SLC25A40: variants seen among roughly 807,000 people sequenced by gnomAD.
SLC25A40 encodes the protein solute carrier family 25 member 40, also known as mitochondrial glutathione transporter SLC25A40.
Under a neutral mutation model 46.5 loss-of-function variants are expected in SLC25A40, and 41 were observed. The ratio of observed to expected loss-of-function variants is 0.88; its 90% CI spans 0.69 to 1.14. The LOEUF is 1.14. SLC25A40 is among the 50% of genes most tolerant of loss of function. The pLI is 0.00. For missense variants in SLC25A40, 386 were observed against 393.6 expected (o/e 0.98, Z 0.16); for synonymous variants, 126 against 127.5 (o/e 0.99, Z 0.08).
chr7:87,841,240 AT>A (rs1838330908), intron 10 of SLC25A40, among the ~76,000 whole-genome samples: 1 of 150,574 alleles, frequency 6.6e-6, no homozygotes, highest in Non-Finnish European at 1.5e-5. Flanking sequence ...CTTTATCCTG[AT>A]TTGTCTAAAT....
At chr7:87,865,937 G>A (rs1173204242) in intron 1 of SLC25A40, among the ~76,000 whole-genome samples, 1 of 151,946 alleles carries the variant, frequency 6.6e-6, no homozygotes, top group Non-Finnish European at 1.5e-5. Flanking sequence ...ACAGAAATTA[G>A]CCAGGTGTGG....
chr7:87,860,384 G>A (rs1020683587), intron 2 of SLC25A40, among the ~76,000 whole-genome samples, 188 bp downstream of exon 2: 5 of 152,086 alleles, frequency 3.3e-5, no homozygotes, highest in African/African-American at 1.2e-4. Context: ...CATACATCAT[G>A]TCCCTTCACC....
chr7:87,850,014 CT>C, intron 5 of SLC25A40, 66 bp from the exon 6 acceptor site: 1 of 982,992 alleles, frequency 1.0e-6, no homozygotes, highest in South Asian at 1.8e-5. Flanking sequence ...AAAATTTATA[CT>C]GATGATTGGT....
chr7:87,847,235 T>A, intron 7 of SLC25A40, 113 bp from the exon 8 acceptor site: 1 of 828,714 alleles, frequency 1.2e-6, no homozygotes, highest in Non-Finnish European at 1.7e-6. Flanking sequence ...TTTTAGTCTA[T>A]AATGTCTGAA....
At chr7:87,857,804 G>A (rs776369670) in intron 3 of SLC25A40, among the ~76,000 whole-genome samples, 6 of 152,166 alleles carry the variant, frequency 3.9e-5, no homozygotes, top group Non-Finnish European at 8.8e-5. Flanking sequence ...GAATAACAGC[G>A]ATTTTAGGGA....
chr7:87,842,709 C>T (rs1838354103), intron 9 of SLC25A40, among the ~76,000 whole-genome samples: 1 of 151,956 alleles, frequency 6.6e-6, no homozygotes, highest in Admixed American at 6.6e-5. Flanking sequence ...TGGACACTTA[C>T]ATTCAGGTGT....
intron 10 of SLC25A40, 68 bp from the exon 11 acceptor site, chr7:87,836,878 A>G (rs1838264531): frequency 9.6e-6 from 9 of 939,176 alleles, no homozygotes; most frequent in Non-Finnish European, 1.4e-5. Context: ...TACAGATAAC[A>G]TAGTGTCCAT....
Position 87,847,858 on chromosome 7 carries a change from G to T in SLC25A40, c.452C>A (p.Ala151Asp). 6.2e-7 allele frequency: 1 copy of T among 1,605,902 alleles called. No homozygotes were observed. Among genetic ancestry groups the T allele is most frequent in the East Asian group, 2.2e-5 (1 of 44,616 alleles). ...TCIPIVAGIVARFGAVTVISP... is the reference protein window; with the variant it reads ...TCIPIVAGIVDRFGAVTVISP... ...AATAAAGATTTATTACTCACATCTG[G>T]CTACAATTCCAGCAACAATTGGTAT... Residue 151 changes from alanine to aspartate, a missense_variant, in exon 7 of 12, where the codon GCC becomes GAC. Transcript: ENST00000341119.
intron 4 of SLC25A40, among the ~76,000 whole-genome samples, chr7:87,855,927 C>G (rs530892660): frequency 6.6e-6 from 1 of 152,224 alleles, no homozygotes; most frequent in East Asian, 1.9e-4. Context: ...TTTCCAATCA[C>G]TATATTCAAG....
At chr7:87,875,358 C>A (rs1010017285) in intron 1 of SLC25A40, among the ~76,000 whole-genome samples, 5 of 152,158 alleles carry the variant, frequency 3.3e-5, no homozygotes, top group Non-Finnish European at 5.9e-5. Context: ...TCTGCGTTCT[C>A]CAGCTAATCT....
intron 8 of SLC25A40, among the ~76,000 whole-genome samples, chr7:87,845,920 GAA>G (rs201961432): frequency 0.024 from 3,681 of 152,174 alleles, 48 homozygotes; most frequent in Middle Eastern, 0.048. Context: ...AATCACTTTG[GAA>G]AAGAGTTCTA....
intron 8 of SLC25A40, among the ~76,000 whole-genome samples, chr7:87,845,061 T>A (rs1584324642): frequency 6.6e-6 from 1 of 152,040 alleles, no homozygotes; most frequent in East Asian, 1.9e-4. Flanking sequence ...AAGGCTACAG[T>A]AAGCCGTGAC....
chr7:87,866,832 C>T (rs117535462), intron 1 of SLC25A40, among the ~76,000 whole-genome samples: 11 of 152,216 alleles, frequency 7.2e-5, no homozygotes, highest in Admixed American at 5.2e-4. Flanking sequence ...CTGCTACTCA[C>T]GAGTTCCTTC....
chr7:87,872,033 A>C (rs1838903111), intron 1 of SLC25A40, among the ~76,000 whole-genome samples: 1 of 152,246 alleles, frequency 6.6e-6, no homozygotes, highest in Non-Finnish European at 1.5e-5. Flanking sequence ...CTAATTTATT[A>C]AAGATCTTAA....
intron 1 of SLC25A40, among the ~76,000 whole-genome samples, chr7:87,861,971 A>C (rs1372619137): frequency 6.6e-6 from 1 of 152,158 alleles, no homozygotes; most frequent in Non-Finnish European, 1.5e-5. Flanking sequence ...ATCTAATTAT[A>C]ATGAGAAATG....
chr7:87,875,096 C>G (rs73200354), intron 1 of SLC25A40, among the ~76,000 whole-genome samples: 7,780 of 152,288 alleles, frequency 0.051, 225 homozygotes, highest in Non-Finnish European at 0.059. Flanking sequence ...CCTTCCACCA[C>G]TCAAGATCTG....
chr7:87,858,830 G>A, intron 2 of SLC25A40, 79 bp from the exon 3 acceptor site: 1 of 757,142 alleles, frequency 1.3e-6, no homozygotes, highest in South Asian at 1.5e-5. Flanking sequence ...TAAGCTGGGT[G>A]AGCAGCATCA....
chr7:87,857,113 A>G (rs2131011445), intron 3 of SLC25A40, among the ~76,000 whole-genome samples: 1 of 152,234 alleles, frequency 6.6e-6, no homozygotes. Context: ...TCATTTGGCT[A>G]CATCTACAAG....
At chr7:87,841,061 T>G (rs1200248121) in intron 10 of SLC25A40, among the ~76,000 whole-genome samples, 1 of 149,792 alleles carries the variant, frequency 6.7e-6, no homozygotes, top group Non-Finnish European at 1.5e-5. Context: ...CTAGAAGAAA[T>G]TACAGGTTAT....
Sources: gnomAD v4.1 joint callset for allele counts (sites outside exome capture counted in the v4.1 genomes callset) on GRCh38, gnomAD v4.1.1 for gene constraint, MANE v1.5 for transcripts, NCBI Gene and HGNC (gene_info 2026-07-23, HGNC 2026-07-21) for gene names.